DLGAP2: variants seen among roughly 807,000 people sequenced by gnomAD.
DLGAP2 encodes DLG associated protein 2, also known as disks large-associated protein 2.
Under a neutral mutation model 100.3 loss-of-function variants are expected in DLGAP2, and 26 were observed. That is an observed-to-expected ratio of 0.26 (90% CI 0.19 to 0.36). The LOEUF is 0.36. DLGAP2 is among the 10% of genes least tolerant of loss of function. The pLI is 1.00. For synonymous variants in DLGAP2, 886 were observed against 630.1 expected (o/e 1.41, Z -6.08); for missense variants, 1,858 against 1,453.2 (o/e 1.28, Z -4.53).
intron 3 of DLGAP2, among the ~76,000 whole-genome samples, chr8:1,282,070 C>T (rs1195400626): frequency 5.1e-5 from 5 of 98,344 alleles, no homozygotes; most frequent in African/African-American, 2.3e-4. Context: ...GAACCCAGCA[C>T]ATGAACCATC....
intron 8 of DLGAP2, among the ~76,000 whole-genome samples, chr8:1,664,649 G>T (rs918115782): frequency 6.6e-6 from 1 of 152,162 alleles, no homozygotes; most frequent in Non-Finnish European, 1.5e-5. Context: ...AACCCATATG[G>T]TAACAGCAAC....
chr8:1,463,630 C>G (rs940400101), intron 3 of DLGAP2, among the ~76,000 whole-genome samples: 2 of 152,216 alleles, frequency 1.3e-5, no homozygotes, highest in African/African-American at 4.8e-5. Context: ...CAAAGCAATC[C>G]CATCCAGGAG....
At chr8:1,294,505 G>A (rs1585230371) in intron 3 of DLGAP2, among the ~76,000 whole-genome samples, 1 of 152,160 alleles carries the variant, frequency 6.6e-6, no homozygotes, top group African/African-American at 2.4e-5. Flanking sequence ...GGTGATGGAG[G>A]TGCATTTCTC....
At chr8:1,028,496 C>A (rs189212071) in intron 2 of DLGAP2, among the ~76,000 whole-genome samples, 1 of 151,842 alleles carries the variant, frequency 6.6e-6, no homozygotes, top group East Asian at 1.9e-4. Context: ...GGGTGCCAGG[C>A]GCCCGTTATT....
chr8:916,819 G>A (rs577634933), intron 2 of DLGAP2, among the ~76,000 whole-genome samples: 39 of 152,300 alleles, frequency 2.6e-4, no homozygotes, highest in South Asian at 2.3e-3. Flanking sequence ...CAGCCGGATC[G>A]TGCATCTTGG....
intron 3 of DLGAP2, 41 bp from the exon 4 acceptor site, chr8:1,501,325 C>T: frequency 1.3e-6 from 2 of 1,534,244 alleles, no homozygotes; most frequent in African/African-American, 1.4e-5. Flanking sequence ...CAGTCTACAC[C>T]AGAAACGCAT....
At chr8:1,055,601 G>A (rs968446717) in intron 2 of DLGAP2, among the ~76,000 whole-genome samples, 2 of 152,132 alleles carry the variant, frequency 1.3e-5, no homozygotes, top group African/African-American at 4.8e-5. Context: ...AAGGACGCTC[G>A]TCTTCTCACT....
rs984913777 is a variant in DLGAP2, at chr8:788,988, C to G, written c.18+51163C>G. Reference sequence around the variant, plus strand: ...AGCAGGAACCCTATTTGCCACCCGTCTCTCTTCTGTGGGGAAGTGACTGTT... The same window carrying G: ...AGCAGGAACCCTATTTGCCACCCGTGTCTCTTCTGTGGGGAAGTGACTGTT... On this transcript the variant is annotated intron_variant, in intron 1 of 14. Coordinates refer to ENST00000637795, the MANE Select transcript of DLGAP2 (RefSeq NM_001346810.2). Among the ~76,000 whole-genome samples the G allele has an allele frequency of 4.7e-4, 72 of 152,204 alleles. 1 individual carries two copies. The highest frequency in any genetic ancestry group is 4.6e-4 in the Admixed American group (7 of 15,288).
At chr8:1,497,469 GC>G (rs1203103954) in intron 3 of DLGAP2, among the ~76,000 whole-genome samples, 1 of 152,222 alleles carries the variant, frequency 6.6e-6, no homozygotes, top group Non-Finnish European at 1.5e-5. Context: ...AGGCCAGGCG[GC>G]CCATCTTTCC....
At chr8:1,278,865 C>T (rs563981463) in intron 3 of DLGAP2, among the ~76,000 whole-genome samples, 22 of 152,250 alleles carry the variant, frequency 1.4e-4, no homozygotes, top group African/African-American at 3.1e-4. Flanking sequence ...ACTATGTGTA[C>T]GACTTTTTGG....
intron 2 of DLGAP2, among the ~76,000 whole-genome samples, chr8:1,252,931 C>T (rs978527364): frequency 1.4e-4 from 21 of 152,160 alleles, no homozygotes; most frequent in Non-Finnish European, 2.5e-4. Context: ...GGACAGAGGA[C>T]GGGGGAGGCA....
intron 2 of DLGAP2, among the ~76,000 whole-genome samples, chr8:983,122 T>C (rs1223476737): frequency 2.0e-5 from 3 of 152,332 alleles, no homozygotes; most frequent in Admixed American, 2.0e-4. Flanking sequence ...CCGGCCTTGG[T>C]CCACACAGCA....
At chr8:1,455,307 G>C (rs1798279300) in intron 3 of DLGAP2, among the ~76,000 whole-genome samples, 2 of 152,248 alleles carry the variant, frequency 1.3e-5, no homozygotes. Flanking sequence ...GGGCCCCTCT[G>C]GAGCTGCCTG....
At chr8:763,689 C>G (rs1343225669) in intron 1 of DLGAP2, among the ~76,000 whole-genome samples, 1 of 151,916 alleles carries the variant, frequency 6.6e-6, no homozygotes, top group Non-Finnish European at 1.5e-5. Context: ...CACACCTCAC[C>G]GGGGACTCGG....
intron 2 of DLGAP2, among the ~76,000 whole-genome samples, chr8:1,168,093 C>A (rs1797055469): frequency 7.2e-6 from 1 of 138,628 alleles, no homozygotes; most frequent in South Asian, 2.4e-4. Flanking sequence ...CACGTGTTCT[C>A]ATTGTTCAGT....
intron 3 of DLGAP2, among the ~76,000 whole-genome samples, chr8:1,299,385 G>A (rs1327373884): frequency 2.0e-5 from 3 of 152,196 alleles, no homozygotes; most frequent in Non-Finnish European, 2.9e-5. Context: ...GATTCTCATG[G>A]CCCTTCTTTC....
chr8:1,614,097 C>T (rs1357571122), intron 6 of DLGAP2, among the ~76,000 whole-genome samples: 2 of 152,116 alleles, frequency 1.3e-5, no homozygotes, highest in Admixed American at 1.3e-4. Context: ...CAAGTGTATG[C>T]CCTGGCTTCA....
At chr8:1,044,839 C>T (rs12675050) in intron 2 of DLGAP2, among the ~76,000 whole-genome samples, 11,727 of 152,236 alleles carry the variant, frequency 0.077, 743 homozygotes, top group African/African-American at 0.16. Flanking sequence ...GACCCACCCA[C>T]GTGCTTCCTC....
At chr8:847,088 C>T (rs1462286628) in intron 1 of DLGAP2, among the ~76,000 whole-genome samples, 1 of 152,164 alleles carries the variant, frequency 6.6e-6, no homozygotes, top group African/African-American at 2.4e-5. Context: ...GCTGAACTTG[C>T]CATTAAAAAC....
Sources: gnomAD v4.1 joint callset for allele counts (sites outside exome capture counted in the v4.1 genomes callset) on GRCh38, gnomAD v4.1.1 for gene constraint, MANE v1.5 for transcripts, NCBI Gene and HGNC (gene_info 2026-07-23, HGNC 2026-07-21) for gene names.